Variants in ZNF385C observed in about 807,000 individuals in gnomAD.
ZNF385C encodes the protein CTD-2132N18.2.
ZNF385C carries 28 observed loss-of-function variants against 35.4 expected under a neutral mutation model. The ratio of observed to expected loss-of-function variants is 0.79; its 90% confidence interval spans 0.59 to 1.08. The LOEUF (loss-of-function observed/expected upper bound fraction) is 1.08. Among genes scored for constraint, ZNF385C ranks in the 50% least tolerant of loss-of-function variants. ZNF385C has a pLI of 0.00. For missense variants in ZNF385C, 605 were observed against 595.6 expected, an observed-to-expected ratio of 1.02 and a Z score of -0.16; for synonymous variants, 248 against 248.2, an observed-to-expected ratio of 1.00 and a Z score of 0.01.
At chr17:42,091,911 G>T (rs1555660589) in intron 1 of ZNF385C, among the ~76,000 whole-genome samples, 2 of 152,188 alleles carry the variant, frequency 1.3e-5, no homozygotes, top group Non-Finnish European at 1.5e-5. Flanking sequence ...AGCTTTGGGT[G>T]AGGGGGAGAT....
At chr17:42,087,572 A>G (rs1211362336) in intron 1 of ZNF385C, among the ~76,000 whole-genome samples, 1 of 152,230 alleles carries the variant, frequency 6.6e-6, no homozygotes, top group Non-Finnish European at 1.5e-5. Context: ...GATAAAACAC[A>G]GCACCTCCCA....
chr17:42,039,932 C>T, intron 2 of ZNF385C: 2 of 1,231,222 alleles, frequency 1.6e-6, no homozygotes, highest in Non-Finnish European at 2.0e-6. Context: ...GCCAAGGCGG[C>T]TAGGGCGGCG....
rs2053252105 is a variant in ZNF385C at position 42,050,190 on chromosome 17, C to T, written c.251-12305G>A. On this transcript the variant is annotated intron_variant, in intron 2 of 8. Coordinates refer to ENST00000692273, the MANE Select transcript of ZNF385C (RefSeq NM_001392013.1). The surrounding 1 kb of genome is among the most constrained non-coding windows in gnomAD (Gnocchi z 5.6). ...GAGCAGGAACAACTTGACAAGGACC[C>T]CAAGGCATGTAAGCCTCAAACAGTA... 6.6e-6 allele frequency among the ~76,000 whole-genome samples: 1 copy of T among 152,202 alleles called. No individual in the cohort carries two copies. The highest frequency in any genetic ancestry group is 1.5e-5 in the Non-Finnish European group (1 of 68,032).
At chr17:42,054,585 T>C (rs1237027433) in intron 2 of ZNF385C, among the ~76,000 whole-genome samples, 12 of 150,062 alleles carry the variant, frequency 8.0e-5, no homozygotes, top group Non-Finnish European at 1.6e-4. Context: ...AGAACTTCTT[T>C]TTTTTTTTTT....
chr17:42,079,187 C>CAAAAA (rs141880528), intron 1 of ZNF385C, among the ~76,000 whole-genome samples: 8 of 114,004 alleles, frequency 7.0e-5, no homozygotes, highest in East Asian at 2.5e-4. Flanking sequence ...CCCTGTCTCG[C>CAAAAA]AAAAAAAAAA....
intron 2 of ZNF385C, among the ~76,000 whole-genome samples, chr17:42,042,215 AAAAAACC>A (rs1189774364): frequency 1.6e-4 from 24 of 152,032 alleles, no homozygotes; most frequent in African/African-American, 4.6e-4. Flanking sequence ...CTATGTTTAA[AAAAAACC>A]AAAAAACAAA....
At chr17:42,037,637 TG>T (rs1316331428) in intron 3 of ZNF385C, 99 bp downstream of exon 3, 1 of 1,380,208 alleles carries the variant, frequency 7.2e-7, no homozygotes, top group Admixed American at 3.3e-5. Context: ...AAAAAGCTCC[TG>T]GTTAGACCCA....
At chr17:42,068,347 C>G (rs1413195909) in intron 1 of ZNF385C, among the ~76,000 whole-genome samples, 3 of 152,186 alleles carry the variant, frequency 2.0e-5, no homozygotes, top group Non-Finnish European at 2.9e-5. Context: ...CAGAGCAGGG[C>G]AGTGGACTTG....
In ZNF385C at chr17:42,034,256, C is replaced by T. The variant is rs1255522099; in HGVS notation, c.479G>A (p.Cys160Tyr). 5 of 1,550,510 alleles carry T rather than the reference C, an allele frequency of 3.2e-6. No homozygotes were observed. The highest frequency in any genetic ancestry group is 2.4e-5 in the East Asian group (1 of 40,938). The change falls in exon 4 of 9, where the codon TGT (cysteine) becomes TAT (tyrosine). Residue 160 changes from cysteine to tyrosine, a missense_variant. Physicochemically the swap from Cys to Tyr is radical, Grantham distance 194 (BLOSUM62 -2). Transcript: ENST00000692273. The part of the protein sequence containing the change: ...SPLKKKLFIS[C>Y]NICHLRFNSA... ...GTTGAACCTCAGGTGACAGATGTTA[C>T]AGGAAATGAACAGCTTCTTCTTCAG...
intron 2 of ZNF385C, among the ~76,000 whole-genome samples, chr17:42,052,807 G>A (rs1555657246): frequency 1.3e-5 from 2 of 152,112 alleles, no homozygotes; most frequent in African/African-American, 2.4e-5. Context: ...AAATGCATCG[G>A]AGTTAAAAGA....
intron 4 of ZNF385C, among the ~76,000 whole-genome samples, chr17:42,032,059 G>C (rs992532794): frequency 1.3e-5 from 2 of 151,932 alleles, no homozygotes; most frequent in Non-Finnish European, 2.9e-5. Flanking sequence ...TGTTGTTGTT[G>C]TTTTTGTTTT....
chr17:42,094,050 C>A (rs1372492061), intron 1 of ZNF385C, among the ~76,000 whole-genome samples: 1 of 150,626 alleles, frequency 6.6e-6, no homozygotes, highest in Non-Finnish European at 1.5e-5. Flanking sequence ...ATGGCGCAAT[C>A]TTGGCTTTCT....
intron 1 of ZNF385C, among the ~76,000 whole-genome samples, chr17:42,091,938 G>T (rs1244511431): frequency 1.3e-5 from 2 of 152,164 alleles, no homozygotes; most frequent in Admixed American, 6.5e-5. Flanking sequence ...AGAGCCAGGG[G>T]TGACTGCAGC....
intron 2 of ZNF385C, among the ~76,000 whole-genome samples, chr17:42,055,331 C>T (rs782191664): frequency 1.3e-5 from 2 of 151,972 alleles, no homozygotes; most frequent in Non-Finnish European, 2.9e-5. Context: ...TTGTCTTCTT[C>T]CAGGGCAGGG....
chr17:42,065,487 A>T (rs1413644854), intron 1 of ZNF385C: 1 of 152,198 alleles, frequency 6.6e-6, no homozygotes, highest in Non-Finnish European at 1.5e-5. Context: ...TGGAGCCCGC[A>T]TCTGAACAAG....
intron 1 of ZNF385C, among the ~76,000 whole-genome samples, chr17:42,064,419 A>C (rs921074711): frequency 6.6e-5 from 10 of 152,192 alleles, no homozygotes; most frequent in Admixed American, 3.3e-4. Context: ...CCTGTTATGG[A>C]CTGAAGTGTG....
Position 42,037,717 on chromosome 17 carries a change from C to A in ZNF385C, c.399+20G>T. ...CCACAAGCTTGTGTGCATGCCCCCACCCGCCAGCCCAGCCCATACCGTGCT... is the reference window on the plus strand; with the variant it reads ...CCACAAGCTTGTGTGCATGCCCCCAACCGCCAGCCCAGCCCATACCGTGCT... On this transcript the variant is annotated intron_variant, in intron 3 of 8. Transcript: ENST00000692273. 1 of 1,499,294 alleles carries A rather than the reference C, an allele frequency of 6.7e-7. No individual in the cohort carries two copies. The highest frequency in any genetic ancestry group is 8.9e-7 in the Non-Finnish European group (1 of 1,122,824). The allele number at this position is 1,499,294 out of a possible 1,614,324, so 92.9% of individuals were successfully genotyped here. A position where few individuals can be genotyped will look rare whatever the true frequency, so the allele number is the denominator to read the frequency against.
rs192553121 is a variant in ZNF385C at position 42,047,891 on chromosome 17, G to A, written c.251-10006C>T. Among the ~76,000 whole-genome samples, 1,007 of 152,110 alleles carry A rather than the reference G, an allele frequency of 6.6e-3. 12 individuals carry two copies. Among genetic ancestry groups the A allele is most frequent in the African/African-American group, 0.022 (911 of 41,488 alleles). On this transcript the variant is annotated intron_variant, in intron 2 of 8. Transcript: ENST00000692273. ...GCTGGTCTCGAACTCCTGACCTCGT[G>A]ATCTGCCCGCCTCAGCCTCCCAAAG... is the stretch of plus-strand genomic sequence containing the variant.
rs140191889 is a variant in ZNF385C, at chr17:42,027,072, G to A, written c.1337C>T (p.Pro446Leu). The A allele has an allele frequency of 6.2e-6, 10 of 1,611,070 alleles. No individual in the cohort carries two copies. Among genetic ancestry groups the A allele is most frequent in the Admixed American group, 1.7e-5 (1 of 59,710 alleles). ...KTLAARFLPS[P>L]LPTAATAICA... ...GATGGCAGTGGCTGCGGTGGGGAGC[G>A]GGCTGGGCAGGAAGCGGGCTGCCAA... Residue 446 changes from proline to leucine, a missense_variant, in exon 9 of 9, where the codon CCG (proline) becomes CTG (leucine). Transcript: ENST00000692273.
Sources: allele counts gnomAD v4.1 joint callset (sites outside exome capture counted in the v4.1 genomes callset), GRCh38; gene constraint gnomAD v4.1.1; non-coding constraint Gnocchi (gnomAD v3.1); transcripts MANE v1.5; gene names NCBI Gene and HGNC (gene_info 2026-07-23, HGNC 2026-07-21).